Variants in CARMIL1 observed in about 807,000 individuals in gnomAD.
CARMIL1 encodes capping protein regulator and myosin 1 linker 1, also known as F-actin-uncapping protein LRRC16A.
CARMIL1 carries 90 observed loss-of-function variants against 177.1 expected under a neutral mutation model. The ratio of observed to expected loss-of-function variants is 0.51; its 90% CI spans 0.43 to 0.61. The LOEUF is 0.61. Among genes scored for constraint, CARMIL1 ranks in the 20% least tolerant of loss-of-function variants. CARMIL1 has a pLI of 0.00. For missense variants in CARMIL1, 1,380 were observed against 1,667.0 expected (o/e 0.83, Z 3.00); for synonymous variants, 577 against 606.2 (o/e 0.95, Z 0.71).
intron 2 of CARMIL1, among the ~76,000 whole-genome samples, chr6:25,322,869 A>G (rs1231250647): frequency 6.6e-6 from 1 of 152,164 alleles, no homozygotes; most frequent in Non-Finnish European, 1.5e-5. Context: ...ATCTTTTAAC[A>G]GAGTGGCATT....
At chr6:25,544,832 A>T (rs1051369608) in intron 26 of CARMIL1, among the ~76,000 whole-genome samples, 3 of 152,214 alleles carry the variant, frequency 2.0e-5, no homozygotes, top group Non-Finnish European at 4.4e-5. Context: ...AAGTGAGTGT[A>T]TAAGTTAGTA....
chr6:25,336,002 C>T (rs562465426), intron 2 of CARMIL1, among the ~76,000 whole-genome samples: 1 of 152,322 alleles, frequency 6.6e-6, no homozygotes, highest in South Asian at 2.1e-4. Context: ...ATGAAATAGT[C>T]TCTCGGCCAT....
intron 2 of CARMIL1, among the ~76,000 whole-genome samples, chr6:25,345,480 CCTG>C (rs1425789224): frequency 6.6e-6 from 1 of 152,194 alleles, no homozygotes; most frequent in Non-Finnish European, 1.5e-5. Flanking sequence ...GGACATCTCT[CCTG>C]GGATGCGTCT....
In CARMIL1 at chr6:25,375,527, C is replaced by T. The variant is rs1986793; in HGVS notation, c.139-44587C>T. ...ATTTATGCTTCTTGCATTTGGTTAC[C>T]TAAATCTCCAGCAAGGCCAGGGAAA... is the stretch of plus-strand genomic sequence containing the variant. On this transcript the variant is annotated intron_variant, in intron 2 of 36. Coordinates refer to ENST00000329474, the MANE Select transcript of CARMIL1 (RefSeq NM_017640.6). Among the ~76,000 whole-genome samples the T allele has an allele frequency of 9.1e-3, 1,390 of 152,286 alleles. 12 individuals are homozygous for T. Among genetic ancestry groups the T allele is most frequent in the African/African-American group, 0.03 (1,232 of 41,558 alleles).
At chr6:25,475,343 G>A (rs1027329091) in intron 11 of CARMIL1, among the ~76,000 whole-genome samples, 2 of 151,852 alleles carry the variant, frequency 1.3e-5, no homozygotes, top group African/African-American at 4.8e-5. Context: ...AGAGCTTGCA[G>A]TGAGCCAAGA....
Position 25,482,351 on chromosome 6 carries a change from A to G in CARMIL1, c.961+8A>G. ...CCTCATTATCACCTAAAGGTACAGT[A>G]TTTCTTATTTACCTAAGAGTGTGTC... On this transcript the variant is annotated splice_region_variant and intron_variant, in intron 12 of 36. Transcript: ENST00000329474. 7.3e-7 allele frequency: 1 copy of G among 1,375,128 alleles called. No individual in the cohort carries two copies. Among genetic ancestry groups the G allele is most frequent in the Non-Finnish European group, 1.0e-6 (1 of 982,854 alleles). 85.2% of individuals were successfully genotyped at this position (1,375,128 alleles called of 1,614,324 possible).
intron 2 of CARMIL1, among the ~76,000 whole-genome samples, chr6:25,294,597 A>G (rs1484593078): frequency 6.6e-6 from 1 of 152,194 alleles, no homozygotes; most frequent in African/African-American, 2.4e-5. Context: ...TTCTTCTTGC[A>G]TAGTCTACTG....
intron 13 of CARMIL1, among the ~76,000 whole-genome samples, chr6:25,489,390 C>G (rs1802976739): frequency 6.6e-6 from 1 of 152,056 alleles, no homozygotes; most frequent in Admixed American, 6.6e-5. Context: ...TAACCTGGGG[C>G]CATTTCTTCG....
At chr6:25,601,289 G>A (rs569927927) in intron 33 of CARMIL1, among the ~76,000 whole-genome samples, 1 of 152,130 alleles carries the variant, frequency 6.6e-6, no homozygotes, top group African/African-American at 2.4e-5. Flanking sequence ...GTGGAGTGCC[G>A]GCATTCTAAC....
intron 14 of CARMIL1, 65 bp from the exon 15 acceptor site, chr6:25,491,883 T>G (rs1384876860): frequency 1.9e-6 from 3 of 1,555,762 alleles, no homozygotes; most frequent in African/African-American, 2.7e-5. Flanking sequence ...GTAGGGGACC[T>G]CTAATAAAAG....
chr6:25,382,542 G>A (rs12154021), intron 2 of CARMIL1, among the ~76,000 whole-genome samples: 11,893 of 152,200 alleles, frequency 0.078, 543 homozygotes, highest in Non-Finnish European at 0.1. Flanking sequence ...TTGGCTGGGG[G>A]TGGCCAGCTT....
rs947632415 is a variant in CARMIL1, at chr6:25,341,176, G to A, written c.138+56267G>A. On this transcript the variant is annotated intron_variant, in intron 2 of 36. Transcript: ENST00000329474. ...GAGGCGTAAACGGGAGGCTTTGGGCGTTTAGGTATTTGCTGTCATTTACAT... is the reference window on the plus strand; with the variant it reads ...GAGGCGTAAACGGGAGGCTTTGGGCATTTAGGTATTTGCTGTCATTTACAT... Among the ~76,000 whole-genome samples, 6 of 152,122 alleles carry A rather than the reference G, an allele frequency of 3.9e-5. No homozygotes were observed. The South Asian group carries it at 6.2e-4, about 16-fold the overall frequency.
At chr6:25,422,503 T>C (rs1307293233) in intron 3 of CARMIL1, among the ~76,000 whole-genome samples, 1 of 152,182 alleles carries the variant, frequency 6.6e-6, no homozygotes, top group African/African-American at 2.4e-5. Flanking sequence ...TGTTAACTTT[T>C]ATAAAGTTTC....
chr6:25,507,645 T>C (rs942762482), intron 17 of CARMIL1, among the ~76,000 whole-genome samples: 4 of 152,228 alleles, frequency 2.6e-5, no homozygotes, highest in African/African-American at 9.6e-5. Context: ...TTTCTATTTC[T>C]ATAAATGGAA....
chr6:25,459,483 C>A (rs1307630894), intron 8 of CARMIL1, among the ~76,000 whole-genome samples: 2 of 151,642 alleles, frequency 1.3e-5, no homozygotes, highest in Non-Finnish European at 2.9e-5. Context: ...AACTCCTGGG[C>A]AAAAGCTATC....
intron 18 of CARMIL1, 53 bp from the exon 19 acceptor site, chr6:25,510,454 A>C: frequency 9.0e-7 from 1 of 1,111,288 alleles, no homozygotes; most frequent in Non-Finnish European, 1.3e-6. Flanking sequence ...TCCAGCTGAA[A>C]ATTAATTTAT....
intron 23 of CARMIL1, among the ~76,000 whole-genome samples, chr6:25,525,412 A>G (rs1044649964): frequency 3.3e-5 from 5 of 152,206 alleles, no homozygotes; most frequent in Non-Finnish European, 5.9e-5. Flanking sequence ...ATGGAGAAAT[A>G]AAGACTTTCT....
At chr6:25,584,190 T>C (rs1813416438) in intron 31 of CARMIL1, among the ~76,000 whole-genome samples, 1 of 151,344 alleles carries the variant, frequency 6.6e-6, no homozygotes. Context: ...CATACCACCA[T>C]GCTTGGCTAA....
At chr6:25,483,538 CCAT>C (rs1346048448) in intron 12 of CARMIL1, among the ~76,000 whole-genome samples, 1 of 151,966 alleles carries the variant, frequency 6.6e-6, no homozygotes. Flanking sequence ...ACCACCACCA[CCAT>C]CATCATAATT....
Sources: gnomAD v4.1 joint callset for allele counts (sites outside exome capture counted in the v4.1 genomes callset) on GRCh38, gnomAD v4.1.1 for gene constraint, MANE v1.5 for transcripts, NCBI Gene and HGNC (gene_info 2026-07-23, HGNC 2026-07-21) for gene names.